The following TMC1 variants were observed in gnomAD, a reference collection of about 807,000 sequenced individuals.
TMC1 encodes transmembrane channel like 1.
TMC1 carries 84 observed loss-of-function variants against 105.8 expected under a neutral mutation model. The observed-to-expected ratio is 0.79, with a 90% CI of 0.67 to 0.95. TMC1 has a LOEUF of 0.95. Among genes scored for constraint, TMC1 ranks in the 40% least tolerant of loss-of-function variants. TMC1 has a pLI of 0.00. For missense variants in TMC1, 817 were observed against 914.1 expected, an observed-to-expected ratio of 0.89 and a Z score of 1.37; for synonymous variants, 315 against 311.5, an observed-to-expected ratio of 1.01 and a Z score of -0.12.
At chr9:72,571,910 C>T (rs1234814194) in intron 1 of TMC1, among the ~76,000 whole-genome samples, 5 of 151,604 alleles carry the variant, frequency 3.3e-5, no homozygotes, top group Non-Finnish European at 5.9e-5. Context: ...AATCTCGGCT[C>T]ACCGCAACCT....
chr9:72,639,356 C>A (rs766308736), intron 4 of TMC1, among the ~76,000 whole-genome samples: 1 of 152,114 alleles, frequency 6.6e-6, no homozygotes, highest in Non-Finnish European at 1.5e-5. Context: ...ATTTGAAACA[C>A]GGCCCACACA....
chr9:72,640,017 T>C (rs1292116862), intron 4 of TMC1, among the ~76,000 whole-genome samples: 1 of 152,200 alleles, frequency 6.6e-6, no homozygotes, highest in Admixed American at 6.5e-5. Context: ...GTAGTATTAA[T>C]AAAACATATT....
chr9:72,607,210 G>T (rs1824936130), intron 2 of TMC1, among the ~76,000 whole-genome samples: 1 of 152,090 alleles, frequency 6.6e-6, no homozygotes, highest in African/African-American at 2.4e-5. Flanking sequence ...GTAAAAGGTG[G>T]TACATGGTAG....
chr9:72,529,485 G>A (rs7851040), intron 1 of TMC1, among the ~76,000 whole-genome samples: 75,331 of 151,804 alleles, frequency 0.5, 19,245 homozygotes, highest in African/African-American at 0.62. Context: ...AAACCTGCAC[G>A]CATAAAATGA....
intron 2 of TMC1, among the ~76,000 whole-genome samples, chr9:72,582,092 G>C (rs1383821105): frequency 6.6e-6 from 1 of 152,116 alleles, no homozygotes; most frequent in Admixed American, 6.5e-5. Flanking sequence ...CGAGTAGCTG[G>C]GATTACAGGC....
At chr9:72,618,369 T>G (rs1475771960) in intron 3 of TMC1, among the ~76,000 whole-genome samples, 2 of 151,988 alleles carry the variant, frequency 1.3e-5, no homozygotes. Context: ...CAAGTTAGTA[T>G]TTTCCATAAT....
At chr9:72,585,822 A>G (rs1412414682) in intron 2 of TMC1, among the ~76,000 whole-genome samples, 1 of 152,106 alleles carries the variant, frequency 6.6e-6, no homozygotes, top group Non-Finnish European at 1.5e-5. Context: ...GTAGGAATGG[A>G]GAGGTGAGTG....
rs146906241 is a variant in TMC1, at chr9:72,565,870, A to G, written c.-427-12032A>G. Among the ~76,000 whole-genome samples the G allele has an allele frequency of 2.3e-4, 35 of 152,318 alleles. No individual in the cohort carries two copies. The East Asian group carries it at 6.4e-3, about 28-fold the overall frequency. On this transcript the variant is annotated intron_variant, in intron 1 of 23. Transcript: ENST00000297784. ...GGGAAAAACTTATCCCCATGATTCA[A>G]TTACCTCCCACCAGCTCCCCTCAAG...
At chr9:72,598,173 T>TC (rs1564434601) in intron 2 of TMC1, among the ~76,000 whole-genome samples, 1 of 151,960 alleles carries the variant, frequency 6.6e-6, no homozygotes, top group Non-Finnish European at 1.5e-5. Flanking sequence ...ACTTCTGGAG[T>TC]CCCCCCACAT....
At chr9:72,716,899 G>A (rs897765423) in intron 8 of TMC1, among the ~76,000 whole-genome samples, 37 of 152,192 alleles carry the variant, frequency 2.4e-4, no homozygotes, top group African/African-American at 7.7e-4. Context: ...CCCTGGTGGC[G>A]TGGGAACTGG....
chr9:72,657,679 G>A (rs996431278), intron 5 of TMC1, among the ~76,000 whole-genome samples: 11 of 151,924 alleles, frequency 7.2e-5, no homozygotes, highest in African/African-American at 2.2e-4. Context: ...TGTTATAATC[G>A]GAAAAGATAG....
intron 7 of TMC1, among the ~76,000 whole-genome samples, chr9:72,695,720 A>T (rs1242090522): frequency 1.3e-5 from 2 of 152,184 alleles, no homozygotes; most frequent in African/African-American, 4.8e-5. Flanking sequence ...AAATTTGTCA[A>T]GTAGAGAAGC....
chr9:72,679,343 A>G (rs1363686772), intron 5 of TMC1, among the ~76,000 whole-genome samples: 1 of 151,938 alleles, frequency 6.6e-6, no homozygotes, highest in East Asian at 1.9e-4. Flanking sequence ...GTATTTGCCC[A>G]GGTCTATAGG....
chr9:72,626,365 C>T (rs1337897306), intron 3 of TMC1, among the ~76,000 whole-genome samples: 1 of 152,092 alleles, frequency 6.6e-6, no homozygotes, highest in African/African-American at 2.4e-5. Flanking sequence ...AAAGATCTGG[C>T]TTGGAGATGT....
At chr9:72,532,977 G>A (rs915214659) in intron 1 of TMC1, among the ~76,000 whole-genome samples, 2 of 152,212 alleles carry the variant, frequency 1.3e-5, no homozygotes, top group African/African-American at 4.8e-5. Context: ...CTGTTTCAGT[G>A]ACAAACTGGC....
At chr9:72,702,511 C>G (rs1226910007) in intron 8 of TMC1, among the ~76,000 whole-genome samples, 1 of 152,068 alleles carries the variant, frequency 6.6e-6, no homozygotes, top group Non-Finnish European at 1.5e-5. Flanking sequence ...GTTGCCAGAA[C>G]TTGGCACATA....
chr9:72,540,884 G>T (rs1823663391), intron 1 of TMC1, among the ~76,000 whole-genome samples: 1 of 152,198 alleles, frequency 6.6e-6, no homozygotes, highest in Admixed American at 6.5e-5. Context: ...AGCTACAATA[G>T]TACCTCCTCA....
At chr9:72,726,202 G>A (rs2117965921) in intron 8 of TMC1, among the ~76,000 whole-genome samples, 1 of 152,066 alleles carries the variant, frequency 6.6e-6, no homozygotes, top group Admixed American at 6.5e-5. Context: ...ATTTTTAAAT[G>A]GTATGAATCA....
rs1826824683 is a variant in TMC1 at position 72,710,927 on chromosome 9, C to T, written c.362+10284C>T. The stretch of plus-strand genomic sequence containing the variant: ...TTGGGTATTTCTCCTAATGCTGTCC[C>T]TCCCTTAGCTCCGCATCCCCAAACA... On this transcript the variant is annotated intron_variant, in intron 8 of 23. Transcript: ENST00000297784. Among the ~76,000 whole-genome samples, 3 of 152,300 alleles carry T rather than the reference C, an allele frequency of 2.0e-5. No individual in the cohort carries two copies. The South Asian group carries it at 6.2e-4, about 32-fold the overall frequency.
Sources: gnomAD v4.1 joint callset for allele counts (sites outside exome capture counted in the v4.1 genomes callset) on GRCh38, gnomAD v4.1.1 for gene constraint, MANE v1.5 for transcripts, NCBI Gene and HGNC (gene_info 2026-07-23, HGNC 2026-07-21) for gene names.